Variants in HS6ST3 observed in about 807,000 individuals in gnomAD.
The protein encoded by HS6ST3 is heparan sulfate 6-O-sulfotransferase 3.
Under a neutral mutation model 36.7 loss-of-function variants are expected in HS6ST3, and 12 were observed. The observed-to-expected ratio is 0.33, with a 90% CI of 0.21 to 0.53. The LOEUF (loss-of-function observed/expected upper bound fraction) is 0.53. Ranked by LOEUF, HS6ST3 falls within the 20% of genes least tolerant of loss-of-function variation. HS6ST3 has a pLI of 0.95. For synonymous variants in HS6ST3, 240 were observed against 257.5 expected, an observed-to-expected ratio of 0.93 and a Z score of 0.65; for missense variants, 584 against 640.9, an observed-to-expected ratio of 0.91 and a Z score of 0.96.
chr13:96,514,800 T>C (rs892801282), intron 1 of HS6ST3, among the ~76,000 whole-genome samples: 2 of 152,226 alleles, frequency 1.3e-5, no homozygotes, highest in African/African-American at 4.8e-5. Flanking sequence ...TTATTCACTT[T>C]TGTGATCTTG....
chr13:96,203,802 A>G (rs574965379), intron 1 of HS6ST3, among the ~76,000 whole-genome samples: 25 of 152,350 alleles, frequency 1.6e-4, no homozygotes, highest in Middle Eastern at 3.4e-3. Context: ...TCAGGAAAAT[A>G]CAGAAAAGTA....
chr13:96,489,886 C>T (rs1354238398), intron 1 of HS6ST3, among the ~76,000 whole-genome samples: 1 of 152,100 alleles, frequency 6.6e-6, no homozygotes, highest in Non-Finnish European at 1.5e-5. Context: ...TTCCACCTAG[C>T]TCAGCCAGTC....
chr13:96,576,848 G>A (rs1171717009), intron 1 of HS6ST3, among the ~76,000 whole-genome samples: 3 of 146,466 alleles, frequency 2.0e-5, no homozygotes, highest in African/African-American at 7.6e-5. Flanking sequence ...GGAGCCTGAA[G>A]CAGGAGAATC....
At chr13:96,248,211 C>T (rs2054592950) in intron 1 of HS6ST3, among the ~76,000 whole-genome samples, 3 of 152,122 alleles carry the variant, frequency 2.0e-5, no homozygotes, top group Non-Finnish European at 4.4e-5. Flanking sequence ...CCAACAAAAA[C>T]CTTTTATTGT....
At chr13:96,354,095 G>A (rs1229004526) in intron 1 of HS6ST3, among the ~76,000 whole-genome samples, 1 of 152,144 alleles carries the variant, frequency 6.6e-6, no homozygotes, top group Non-Finnish European at 1.5e-5. Flanking sequence ...TGAAACAGTA[G>A]GAAGTAAGCA....
intron 1 of HS6ST3, among the ~76,000 whole-genome samples, chr13:96,385,185 AAAAAAAAAAAG>A (rs2055361512): frequency 6.6e-6 from 1 of 151,826 alleles, no homozygotes; most frequent in African/African-American, 2.4e-5. Flanking sequence ...GTATCCAAAA[AAAAAAAAAAAG>A]AAAAGATTTT....
intron 1 of HS6ST3, among the ~76,000 whole-genome samples, chr13:96,324,743 A>C (rs1369821817): frequency 6.6e-6 from 1 of 152,166 alleles, no homozygotes; most frequent in Non-Finnish European, 1.5e-5. Flanking sequence ...AAAGAGGGAG[A>C]ACACCATCTA....
chr13:96,364,770 T>C lies in HS6ST3; in HGVS notation c.707+273201T>C, dbSNP rs904468342. ...AATTAAAATCTCAAGTTTTGTGTTA[T>C]GTATGTTTTACCACAATAAAAATAT... is the stretch of plus-strand genomic sequence containing the variant. On this transcript the variant is annotated intron_variant, in intron 1 of 1. Transcript: ENST00000376705. 7.9e-5 allele frequency among the ~76,000 whole-genome samples: 12 copies of C among 152,198 alleles called. 1 individual carries two copies. Among genetic ancestry groups the C allele is most frequent in the Non-Finnish European group, 1.5e-5 (1 of 68,034 alleles).
In HS6ST3 at chr13:96,792,504, T is replaced by G. The variant is rs146406188; in HGVS notation, c.708-39986T>G. Among the ~76,000 whole-genome samples the G allele has an allele frequency of 3.0e-3, 462 of 152,116 alleles. 1 individual carries two copies. Among genetic ancestry groups the G allele is most frequent in the African/African-American group, 0.011 (439 of 41,528 alleles). On this transcript the variant is annotated intron_variant, in intron 1 of 1. Transcript: ENST00000376705. ...AAGCTCCCTGGCCATCTATTGCTTA[T>G]AAGAGCCTGTAAAATAGTCTTTTAC...
intron 1 of HS6ST3, among the ~76,000 whole-genome samples, chr13:96,154,971 C>G (rs2054103618): frequency 6.6e-6 from 1 of 151,974 alleles, no homozygotes; most frequent in Admixed American, 6.5e-5. Flanking sequence ...AATATATTTG[C>G]AACAAAGTGT....
chr13:96,427,923 C>G (rs770562079), intron 1 of HS6ST3, among the ~76,000 whole-genome samples: 1 of 152,172 alleles, frequency 6.6e-6, no homozygotes, highest in African/African-American at 2.4e-5. Context: ...CTGATGCCTA[C>G]TCATGGACAG....
chr13:96,180,190 A>G (rs2054233027), intron 1 of HS6ST3, among the ~76,000 whole-genome samples: 1 of 152,118 alleles, frequency 6.6e-6, no homozygotes, highest in African/African-American at 2.4e-5. Flanking sequence ...GCGGACATAC[A>G]CACGCACACA....
At chr13:96,150,691 C>T (rs192779713) in intron 1 of HS6ST3, among the ~76,000 whole-genome samples, 3 of 152,218 alleles carry the variant, frequency 2.0e-5, no homozygotes, top group Non-Finnish European at 4.4e-5. Context: ...GGATTCCTGT[C>T]GCCGTAGGTC....
At chr13:96,192,401 A>G (rs1004444615) in intron 1 of HS6ST3, among the ~76,000 whole-genome samples, 1 of 152,096 alleles carries the variant, frequency 6.6e-6, no homozygotes, top group African/African-American at 2.4e-5. Flanking sequence ...TGAAATAGTG[A>G]ACATTGTATC....
intron 1 of HS6ST3, among the ~76,000 whole-genome samples, chr13:96,568,723 A>G (rs1262681674): frequency 6.6e-6 from 1 of 152,246 alleles, no homozygotes; most frequent in African/African-American, 2.4e-5. Flanking sequence ...CATATGCCAT[A>G]TATTTTAATC....
chr13:96,713,647 T>C (rs763246239), intron 1 of HS6ST3, among the ~76,000 whole-genome samples: 5 of 152,186 alleles, frequency 3.3e-5, no homozygotes, highest in Non-Finnish European at 7.3e-5. Context: ...TAAAAGTAAT[T>C]TGCTTTGAGT....
At position 96,112,598 on chromosome 13, in the gene HS6ST3, T is replaced by A. The variant is rs1470389627; in HGVS notation, c.707+21029T>A. 4.5e-5 allele frequency among the ~76,000 whole-genome samples: 5 copies of A among 112,234 alleles called. 1 individual carries two copies. The highest frequency in any genetic ancestry group is 1.9e-4 in the Admixed American group (2 of 10,568). The allele number at this position is 112,234 out of a possible 152,430, so 73.6% of individuals were successfully genotyped here. ...AAATAAATATATATATATATATATA[T>A]ATATATATATATATATATATATATG... On this transcript the variant is annotated intron_variant, in intron 1 of 1. Transcript: ENST00000376705.
intron 1 of HS6ST3, among the ~76,000 whole-genome samples, chr13:96,818,579 C>T (rs919891355): frequency 2.6e-5 from 4 of 152,070 alleles, no homozygotes; most frequent in African/African-American, 7.2e-5. Context: ...GGTGTTTGGG[C>T]CTGGATAAAA....
chr13:96,254,737 C>T (rs1236789246), intron 1 of HS6ST3, among the ~76,000 whole-genome samples: 1 of 151,730 alleles, frequency 6.6e-6, no homozygotes, highest in Non-Finnish European at 1.5e-5. Context: ...AGGACAGACT[C>T]CAGAGAGAAG....
Sources: allele counts gnomAD v4.1 joint callset (sites outside exome capture counted in the v4.1 genomes callset), GRCh38; gene constraint gnomAD v4.1.1; transcripts MANE v1.5; gene names NCBI Gene and HGNC (gene_info 2026-07-23, HGNC 2026-07-21).